The following DTWD1 variants were observed in gnomAD, a reference collection of about 807,000 sequenced individuals.
DTWD1 encodes tRNA-uridine aminocarboxypropyltransferase 1.
DTWD1 carries 27 observed loss-of-function variants against 30.2 expected under a neutral mutation model. That is an observed-to-expected ratio of 0.90 (90% CI 0.66 to 1.23). The LOEUF is 1.23. Among genes scored for constraint, DTWD1 ranks in the 50% most tolerant of loss-of-function variants. DTWD1 has a pLI of 0.00. For missense variants in DTWD1, 342 were observed against 348.8 expected (o/e 0.98, Z 0.15); for synonymous variants, 99 against 113.1 (o/e 0.88, Z 0.79).
rs1201271885 is a variant in DTWD1, at chr15:49,654,015, A to AG, written c.*10442dup. 6.6e-6 allele frequency: 1 copy of AG among 152,090 alleles called. No individual in the cohort carries two copies. The highest frequency in any genetic ancestry group is 1.5e-5 in the Non-Finnish European group (1 of 68,016). The allele number at this position is 152,090 out of a possible 1,614,324, so 9.4% of individuals were successfully genotyped here. A position where few individuals can be genotyped will look rare whatever the true frequency, so the allele number is the denominator to read the frequency against. ...AAGGAATAGCCTCTTCCTTTGGTGT[A>AG]GGGGGACCCTGAAAACAATTTAATT... On this transcript the variant is annotated 3_prime_UTR_variant, in exon 5 of 5. Transcript: ENST00000403028.
intron 2 of DTWD1, among the ~76,000 whole-genome samples, chr15:49,629,397 T>C (rs2078888913): frequency 6.6e-6 from 1 of 152,168 alleles, no homozygotes; most frequent in African/African-American, 2.4e-5. Context: ...TCAATAACAC[T>C]CCTGTGTTCT....
Position 49,633,043 on chromosome 15 carries a change from C to CTA in DTWD1, c.408+745_408+746dup, listed in dbSNP as rs368196512. Among the ~76,000 whole-genome samples, 768 of 129,518 alleles carry CTA rather than the reference C, an allele frequency of 5.9e-3. 14 individuals carry two copies. Among genetic ancestry groups the CTA allele is most frequent in the African/African-American group, 0.02 (732 of 35,876 alleles). The allele number at this position is 129,518 out of a possible 152,430, so 85.0% of individuals were successfully genotyped here. A position where few individuals can be genotyped will look rare whatever the true frequency, so the allele number is the denominator to read the frequency against. ...TAAATTTTTACTTTCCTATTTATAT[C>CTA]TATATCTATATATATATATATATAT... On this transcript the variant is annotated intron_variant, in intron 3 of 4. Coordinates refer to ENST00000403028, the MANE Select transcript of DTWD1 (RefSeq NM_001144955.2).
intron 2 of DTWD1, chr15:49,629,683 A>G (rs747436501): frequency 1.3e-5 from 2 of 152,220 alleles, no homozygotes; most frequent in African/African-American, 2.4e-5. Context: ...GTGTTCAGCC[A>G]GAAGTAGACT....
At chr15:49,635,110 C>G (rs1167278039) in intron 4 of DTWD1, among the ~76,000 whole-genome samples, 2 of 152,162 alleles carry the variant, frequency 1.3e-5, no homozygotes, top group African/African-American at 4.8e-5. Context: ...TCTTGGCTCA[C>G]TGCAACCTCC....
In DTWD1 at chr15:49,645,087, A is replaced by G. The variant is rs923922373; in HGVS notation, c.*1509A>G. On this transcript the variant is annotated 3_prime_UTR_variant, in exon 5 of 5. Transcript: ENST00000403028. ...TTCCCTCCCAGGGATTCAGAAGGCA[A>G]AACATATTAAAGGTTCTGAAAAGTC... is the stretch of plus-strand genomic sequence containing the variant. 3 of 152,310 alleles carry G rather than the reference A, an allele frequency of 2.0e-5. No homozygotes were observed. The highest frequency in any genetic ancestry group is 4.8e-5 in the African/African-American group (2 of 41,580). The allele number at this position is 152,310 out of a possible 1,614,324, so 9.4% of individuals were successfully genotyped here.
Position 49,625,080 on chromosome 15 carries a change from A to C in DTWD1, c.-55-33A>C, listed in dbSNP as rs912886946. The C allele has an allele frequency of 4.6e-6, 6 of 1,312,228 alleles. No individual in the cohort carries two copies. The African/African-American group carries it at 8.8e-5, about 19-fold the overall frequency. 81.3% of individuals were successfully genotyped at this position (1,312,228 alleles called of 1,614,324 possible). A position where few individuals can be genotyped will look rare whatever the true frequency, so the allele number is the denominator to read the frequency against. On this transcript the variant is annotated intron_variant, in intron 1 of 4. Transcript: ENST00000403028. Reference sequence around the variant, plus strand: ...ACTGAGTAAAATGTTTTCTGTTTTTATTTTTCCTTCTCTTGATACTTTTTT... The same window carrying C: ...ACTGAGTAAAATGTTTTCTGTTTTTCTTTTTCCTTCTCTTGATACTTTTTT...
At position 49,648,432 on chromosome 15, in the gene DTWD1, G is replaced by T. The variant is rs994395378; in HGVS notation, c.*4854G>T. ...TTATCATGCCTTAGCCCCCCGAGTA[G>T]CTGGGATCACAGGCATGTGCCACCA... On this transcript the variant is annotated 3_prime_UTR_variant, in exon 5 of 5. Coordinates refer to ENST00000403028, the MANE Select transcript of DTWD1 (RefSeq NM_001144955.2). The T allele has an allele frequency of 2.6e-5, 4 of 152,206 alleles. No homozygotes were observed. Among genetic ancestry groups the T allele is most frequent in the Admixed American group, 6.5e-5 (1 of 15,276 alleles). The allele number at this position is 152,206 out of a possible 1,614,324, so 9.4% of individuals were successfully genotyped here.
At position 49,643,414 on chromosome 15, in the gene DTWD1, A is replaced by G. The variant is rs747543824; in HGVS notation, c.751A>G (p.Ile251Val). ...AAAGCCAGATACTTTCCTTTCTACA[A>G]TTGAAGCCATTTACTACTTTCTGGT... ...KGKPDTFLSTIEAIYYFLVDY... is the reference protein window; with the variant it reads ...KGKPDTFLSTVEAIYYFLVDY... The change falls in exon 5 of 5, where the codon ATT becomes GTT. Residue 251 changes from isoleucine (I) to valine (V), a missense_variant. By Grantham distance (29) the Ile-to-Val change is conservative (BLOSUM62 3). Transcript: ENST00000403028. The G allele has an allele frequency of 4.4e-6, 7 of 1,603,742 alleles. No individual in the cohort carries two copies. The highest frequency in any genetic ancestry group is 1.7e-5 in the Admixed American group (1 of 58,280).
Position 49,656,229 on chromosome 15 carries a change from A to G in DTWD1, c.*12651A>G, listed in dbSNP as rs192196956. 7 of 152,212 alleles carry G rather than the reference A, an allele frequency of 4.6e-5. No individual in the cohort carries two copies. In the East Asian group the frequency reaches 1.4e-3, roughly 29 times the overall value. The allele number at this position is 152,212 out of a possible 1,614,324, so 9.4% of individuals were successfully genotyped here. On this transcript the variant is annotated 3_prime_UTR_variant, in exon 5 of 5. Transcript: ENST00000403028. Reference sequence around the variant, plus strand: ...ATTAAATAAAAATTCAAATATTTGTAAAAGAATATTTCTTTCTTTAACCTC... The same window carrying G: ...ATTAAATAAAAATTCAAATATTTGTGAAAGAATATTTCTTTCTTTAACCTC...
rs2079133979 is a variant in DTWD1, at chr15:49,648,476, A to G, written c.*4898A>G. The G allele has an allele frequency of 6.6e-6, 1 of 152,100 alleles. No homozygotes were observed. Among genetic ancestry groups the G allele is most frequent in the Non-Finnish European group, 1.5e-5 (1 of 68,034 alleles). 9.4% of individuals were successfully genotyped at this position (152,100 alleles called of 1,614,324 possible). The stretch of plus-strand genomic sequence containing the variant: ...GCCACCACACCCCGCTAATTTTTGT[A>G]TTTTTAGTAGAGATGGAGTTTTGTC... On this transcript the variant is annotated 3_prime_UTR_variant, in exon 5 of 5. Transcript: ENST00000403028.
At chr15:49,636,056 A>T (rs1054016550) in intron 4 of DTWD1, among the ~76,000 whole-genome samples, 5 of 152,160 alleles carry the variant, frequency 3.3e-5, no homozygotes, top group African/African-American at 7.2e-5. Flanking sequence ...TATAGATTAG[A>T]TGCATTTTCT....
rs2079099839 is a variant in DTWD1, at chr15:49,644,272, T to G, written c.*694T>G. 1 of 152,172 alleles carries G rather than the reference T, an allele frequency of 6.6e-6. No individual in the cohort carries two copies. The highest frequency in any genetic ancestry group is 2.1e-4 in the South Asian group (1 of 4,830). The allele number at this position is 152,172 out of a possible 1,614,324, so 9.4% of individuals were successfully genotyped here. On this transcript the variant is annotated 3_prime_UTR_variant, in exon 5 of 5. Transcript: ENST00000403028. ...TAAGTGTTACATATATGTTTACTCT[T>G]TTTATTTTATTTGGAATTGTGAACT...
intron 1 of DTWD1, among the ~76,000 whole-genome samples, chr15:49,622,419 A>C (rs1241847087): frequency 6.6e-6 from 1 of 152,220 alleles, no homozygotes. Flanking sequence ...TATACAAGGT[A>C]GATGCAACTT....
chr15:49,631,011 C>T, intron 2 of DTWD1: 1 of 443,458 alleles, frequency 2.3e-6, no homozygotes, highest in South Asian at 1.6e-5. Flanking sequence ...ATGGGACCAT[C>T]AAGTTGCAGG....
chr15:49,623,634 G>A (rs965978407), intron 1 of DTWD1: 3 of 152,098 alleles, frequency 2.0e-5, no homozygotes, highest in Admixed American at 6.5e-5. Flanking sequence ...TCCTGAAATT[G>A]TGTGCAAAAT....
chr15:49,635,772 G>A (rs983961020), intron 4 of DTWD1, among the ~76,000 whole-genome samples: 8 of 152,176 alleles, frequency 5.3e-5, no homozygotes, highest in African/African-American at 1.9e-4. Flanking sequence ...GGGATTACAG[G>A]TGTGAGCCAC....
chr15:49,622,118 A>G (rs1257578846), intron 1 of DTWD1, among the ~76,000 whole-genome samples: 1 of 152,118 alleles, frequency 6.6e-6, no homozygotes, highest in Non-Finnish European at 1.5e-5. Context: ...TGCTTACTGG[A>G]TGTGTTTTGC....
In DTWD1 at chr15:49,637,927, C is replaced by T. The variant is rs115121850; in HGVS notation, c.667+3133C>T. The stretch of plus-strand genomic sequence containing the variant: ...GTTGCTTTGAAAGTCTAATTGTGTG[C>T]GCTTTGTGTCTTATGTGTGTGGGAG... On this transcript the variant is annotated intron_variant, in intron 4 of 4. Transcript: ENST00000403028. 5.1e-3 allele frequency among the ~76,000 whole-genome samples: 773 copies of T among 152,188 alleles called. 9 individuals are homozygous for T. Among genetic ancestry groups the T allele is most frequent in the African/African-American group, 0.018 (729 of 41,526 alleles).
Position 49,643,638 on chromosome 15 carries a change from C to T in DTWD1, c.*60C>T, listed in dbSNP as rs989698125. 1.5e-5 allele frequency: 22 copies of T among 1,491,178 alleles called. No individual in the cohort carries two copies. The African/African-American group carries it at 3.2e-4, about 21-fold the overall frequency. 92.4% of individuals were successfully genotyped at this position (1,491,178 alleles called of 1,614,324 possible). On this transcript the variant is annotated 3_prime_UTR_variant, in exon 5 of 5. Coordinates refer to ENST00000403028, the MANE Select transcript of DTWD1 (RefSeq NM_001144955.2). Reference sequence around the variant, plus strand: ...TAACATTAATAAACTTATATTTGTGCTTTGTTTTTTCTTAAGAAATAATCA... The same window carrying T: ...TAACATTAATAAACTTATATTTGTGTTTTGTTTTTTCTTAAGAAATAATCA...
Sources: allele counts gnomAD v4.1 joint callset (sites outside exome capture counted in the v4.1 genomes callset), GRCh38; gene constraint gnomAD v4.1.1; transcripts MANE v1.5; gene names NCBI Gene and HGNC (gene_info 2026-07-23, HGNC 2026-07-21).